Variants in ROBO2 observed in about 807,000 individuals in gnomAD.
ROBO2 encodes the protein roundabout homolog 2.
ROBO2 carries 53 observed loss-of-function variants against 160.8 expected under a neutral mutation model. The ratio of observed to expected loss-of-function variants is 0.33; its 90% CI spans 0.26 to 0.41. The LOEUF is 0.41. ROBO2 is among the 10% of genes least tolerant of loss of function. ROBO2 has a pLI of 1.00. For missense variants in ROBO2, 1,577 were observed against 1,722.4 expected, an observed-to-expected ratio of 0.92 and a Z score of 1.49; for synonymous variants, 664 against 611.7, an observed-to-expected ratio of 1.09 and a Z score of -1.26.
At chr3:77,354,231 T>G (rs1026540389) in intron 2 of ROBO2, among the ~76,000 whole-genome samples, 14 of 152,194 alleles carry the variant, frequency 9.2e-5, no homozygotes, top group Admixed American at 7.9e-4. Flanking sequence ...TCATGGACAC[T>G]GACAATTACA....
At chr3:77,142,431 G>C (rs1317111443) in intron 2 of ROBO2, among the ~76,000 whole-genome samples, 2 of 152,160 alleles carry the variant, frequency 1.3e-5, no homozygotes, top group Admixed American at 6.5e-5. Flanking sequence ...GACAGACAAA[G>C]ATTTGTTTTC....
chr3:75,968,656 G>A (rs938387974), intron 2 of ROBO2, among the ~76,000 whole-genome samples: 1 of 151,446 alleles, frequency 6.6e-6, no homozygotes, highest in Admixed American at 6.6e-5. Context: ...TTAACTATTG[G>A]TAACATACTA....
chr3:76,272,255 T>C (rs946210070), intron 2 of ROBO2, among the ~76,000 whole-genome samples: 1 of 152,158 alleles, frequency 6.6e-6, no homozygotes, highest in Admixed American at 6.5e-5. Context: ...TATGCCTTGG[T>C]AGGGCCATCT....
chr3:76,825,603 C>CAAAAAAA (rs201063990), intron 2 of ROBO2, among the ~76,000 whole-genome samples: 3,321 of 72,046 alleles, frequency 0.046, 215 homozygotes, highest in Non-Finnish European at 0.06. Flanking sequence ...TCATCTTAGC[C>CAAAAAAA]AAAAAAAAAA....
chr3:76,451,174 G>A (rs1008931408), intron 2 of ROBO2, among the ~76,000 whole-genome samples: 3 of 152,158 alleles, frequency 2.0e-5, no homozygotes, highest in African/African-American at 4.8e-5. Context: ...GGTCTGTCAT[G>A]TGGGCTAGTC....
chr3:77,507,390 C>T (rs78532378), intron 5 of ROBO2, among the ~76,000 whole-genome samples: 1 of 152,136 alleles, frequency 6.6e-6, no homozygotes, highest in East Asian at 1.9e-4. Context: ...ACAGCAAGGT[C>T]GCCAAATAGA....
At chr3:77,334,648 G>A (rs1048805884) in intron 2 of ROBO2, among the ~76,000 whole-genome samples, 1 of 152,136 alleles carries the variant, frequency 6.6e-6, no homozygotes, top group African/African-American at 2.4e-5. Context: ...AGGAGCAGAG[G>A]CAATAGCTCT....
chr3:76,548,636 ATTT>A (rs5850259), intron 2 of ROBO2, among the ~76,000 whole-genome samples: 2 of 146,714 alleles, frequency 1.4e-5, no homozygotes, highest in East Asian at 4.0e-4. Context: ...CAGAGGGAGG[ATTT>A]TTTTTTTTTT....
At chr3:77,319,478 T>C (rs2064433272) in intron 2 of ROBO2, among the ~76,000 whole-genome samples, 1 of 152,172 alleles carries the variant, frequency 6.6e-6, no homozygotes, top group Non-Finnish European at 1.5e-5. Flanking sequence ...CAGAACAACA[T>C]TGAATATCTA....
intron 2 of ROBO2, among the ~76,000 whole-genome samples, chr3:76,342,955 AG>A (rs1480666550): frequency 1.3e-5 from 2 of 152,128 alleles, no homozygotes; most frequent in Non-Finnish European, 2.9e-5. Flanking sequence ...ATTATTATAT[AG>A]TTATAACATG....
chr3:76,034,403 C>A (rs529796365), intron 2 of ROBO2, among the ~76,000 whole-genome samples: 27 of 152,176 alleles, frequency 1.8e-4, no homozygotes, highest in Admixed American at 1.2e-3. Flanking sequence ...TTTTTCTCCC[C>A]GTGTGAAATA....
exon 2 of ROBO2, chr3:77,098,067 G>A (rs760073973): frequency 2.5e-6 from 4 of 1,597,980 alleles, no homozygotes; most frequent in East Asian, 4.5e-5. Flanking sequence ...GCATCCTTCC[G>A]ATGTCATCGT....
intron 2 of ROBO2, among the ~76,000 whole-genome samples, chr3:76,851,562 C>A (rs1057397001): frequency 4.0e-5 from 6 of 149,940 alleles, no homozygotes; most frequent in Non-Finnish European, 7.4e-5. Context: ...GGTGAAACCC[C>A]GTCTCTACTA....
rs72900513 is a variant in ROBO2, at chr3:76,425,119, T to G, written c.109+487517T>G. Among the ~76,000 whole-genome samples the G allele has an allele frequency of 6.1e-3, 922 of 152,228 alleles. 12 individuals carry two copies. The highest frequency in any genetic ancestry group is 0.021 in the African/African-American group (875 of 41,548). On this transcript the variant is annotated intron_variant, in intron 2 of 26. Transcript: ENST00000487694. ...CCAGCCACATGGAACTCCTTTTTAG[T>G]ACTTGCATGAGCCATGCTTTTCTAA... is the stretch of plus-strand genomic sequence containing the variant.
chr3:76,630,052 CTT>C (rs2089929183), intron 2 of ROBO2, among the ~76,000 whole-genome samples: 2 of 152,190 alleles, frequency 1.3e-5, no homozygotes, highest in Admixed American at 1.3e-4. Context: ...GCTTGGCTGA[CTT>C]TGGTTTGCAT....
chr3:76,270,589 T>G (rs528210530), intron 2 of ROBO2, among the ~76,000 whole-genome samples: 1 of 152,072 alleles, frequency 6.6e-6, no homozygotes, highest in Non-Finnish European at 1.5e-5. Context: ...GCAGCTTAGA[T>G]TCGTGTTTGA....
intron 2 of ROBO2, among the ~76,000 whole-genome samples, chr3:76,980,975 T>A (rs2060068706): frequency 6.6e-6 from 1 of 152,196 alleles, no homozygotes; most frequent in South Asian, 2.1e-4. Flanking sequence ...TCACTTAGCA[T>A]AATGTTTTCA....
intron 2 of ROBO2, among the ~76,000 whole-genome samples, chr3:76,314,604 A>C (rs1343648784): frequency 6.6e-6 from 1 of 152,138 alleles, no homozygotes; most frequent in Non-Finnish European, 1.5e-5. Context: ...CTTAATGTGA[A>C]GACATGAGGA....
intron 2 of ROBO2, among the ~76,000 whole-genome samples, chr3:75,961,645 A>T (rs1948913987): frequency 6.6e-6 from 1 of 151,654 alleles, no homozygotes; most frequent in Non-Finnish European, 1.5e-5. Context: ...AGCAGATAAG[A>T]AACATTTTGC....
Sources: gnomAD v4.1 joint callset for allele counts (sites outside exome capture counted in the v4.1 genomes callset) on GRCh38, gnomAD v4.1.1 for gene constraint, MANE v1.5 for transcripts, NCBI Gene and HGNC (gene_info 2026-07-23, HGNC 2026-07-21) for gene names.